Variants in TMEM135 observed in about 807,000 individuals in gnomAD.
TMEM135 encodes the protein transmembrane protein 135.
Under a neutral mutation model 60.3 loss-of-function variants are expected in TMEM135, and 30 were observed. The ratio of observed to expected loss-of-function variants is 0.50; its 90% CI spans 0.37 to 0.68. TMEM135 has a LOEUF of 0.68. Among genes scored for constraint, TMEM135 ranks in the 30% least tolerant of loss-of-function variants. TMEM135 has a pLI of 0.00. For synonymous variants in TMEM135, 190 were observed against 186.7 expected, an observed-to-expected ratio of 1.02 and a Z score of -0.14; for missense variants, 468 against 548.8, an observed-to-expected ratio of 0.85 and a Z score of 1.47.
chr11:87,115,459 C>G (rs1857857103), intron 4 of TMEM135, among the ~76,000 whole-genome samples: 1 of 152,106 alleles, frequency 6.6e-6, no homozygotes, highest in Non-Finnish European at 1.5e-5. Context: ...CCTACCCCAC[C>G]TAATGCCAGT....
At chr11:87,129,444 T>C (rs1937843882) in intron 4 of TMEM135, among the ~76,000 whole-genome samples, 1 of 151,946 alleles carries the variant, frequency 6.6e-6, no homozygotes, top group African/African-American at 2.4e-5. Flanking sequence ...GGTTTCGCCA[T>C]ATTGGCCAGG....
chr11:87,225,404 G>T (rs1940743646), intron 5 of TMEM135, among the ~76,000 whole-genome samples: 1 of 151,906 alleles, frequency 6.6e-6, no homozygotes, highest in Admixed American at 6.6e-5. Flanking sequence ...AATAACATCT[G>T]CAATTTATGA....
At chr11:87,049,400 T>C (rs1949821649) in intron 1 of TMEM135, among the ~76,000 whole-genome samples, 1 of 83,120 alleles carries the variant, frequency 1.2e-5, no homozygotes, top group Non-Finnish European at 2.2e-5. Context: ...GACCCATCAG[T>C]GTGCTGTATT....
At chr11:87,302,692 C>A (rs1161575659) in intron 8 of TMEM135, among the ~76,000 whole-genome samples, 6 of 152,122 alleles carry the variant, frequency 3.9e-5, no homozygotes, top group Non-Finnish European at 7.4e-5. Flanking sequence ...TATTTCAAAC[C>A]AGGCAGAATT....
intron 5 of TMEM135, among the ~76,000 whole-genome samples, chr11:87,225,864 G>T (rs1373090982): frequency 6.6e-6 from 1 of 152,012 alleles, no homozygotes; most frequent in Non-Finnish European, 1.5e-5. Flanking sequence ...TTTAAAGTAG[G>T]AATGGTAAAA....
intron 6 of TMEM135, among the ~76,000 whole-genome samples, chr11:87,252,497 G>A (rs1056399335): frequency 2.0e-5 from 3 of 152,256 alleles, no homozygotes; most frequent in African/African-American, 4.8e-5. Context: ...ATGGAGCCGG[G>A]CACAGTGGCT....
chr11:87,231,436 G>A (rs376679590), intron 5 of TMEM135, among the ~76,000 whole-genome samples: 15 of 152,242 alleles, frequency 9.9e-5, no homozygotes, highest in African/African-American at 3.6e-4. Flanking sequence ...TTAGTAATGG[G>A]GAATAATTAG....
At chr11:87,041,833 GA>G (rs1361363402) in intron 1 of TMEM135, among the ~76,000 whole-genome samples, 1 of 152,236 alleles carries the variant, frequency 6.6e-6, no homozygotes, top group Non-Finnish European at 1.5e-5. Flanking sequence ...GGCAGTTCTA[GA>G]GGCATTTTGT....
intron 5 of TMEM135, among the ~76,000 whole-genome samples, chr11:87,176,663 G>A (rs1020983086): frequency 4.6e-5 from 7 of 152,136 alleles, no homozygotes; most frequent in Non-Finnish European, 8.8e-5. Context: ...GGGAAAGATT[G>A]TTAAGGTAGG....
In TMEM135 at chr11:87,099,166, T is replaced by G. The variant is rs192849436; in HGVS notation, c.396+7771T>G. ...TGTGTACTTCAATACCCAAATACTG[T>G]GCGTATTCATACACTTATTTGAAAA... On this transcript the variant is annotated intron_variant, in intron 4 of 14. Transcript: ENST00000305494. 2.8e-3 allele frequency among the ~76,000 whole-genome samples: 434 copies of G among 152,338 alleles called. 1 individual carries two copies. Among genetic ancestry groups the G allele is most frequent in the Non-Finnish European group, 4.8e-3 (328 of 68,028 alleles).
intron 5 of TMEM135, among the ~76,000 whole-genome samples, chr11:87,207,279 A>G (rs537907405): frequency 6.6e-6 from 1 of 152,258 alleles, no homozygotes; most frequent in Non-Finnish European, 1.5e-5. Context: ...TTTCCTTACA[A>G]AGTTTTCCTA....
chr11:87,181,957 T>A (rs1357400038), intron 5 of TMEM135, among the ~76,000 whole-genome samples: 2 of 151,158 alleles, frequency 1.3e-5, no homozygotes, highest in African/African-American at 2.4e-5. Flanking sequence ...AGGGTGGCTT[T>A]TTTTTTTTAA....
chr11:87,216,136 G>T (rs1010182718), intron 5 of TMEM135, among the ~76,000 whole-genome samples: 4 of 152,136 alleles, frequency 2.6e-5, no homozygotes, highest in Non-Finnish European at 5.9e-5. Context: ...AGTGTATATA[G>T]GGTTTGGCAT....
intron 6 of TMEM135, among the ~76,000 whole-genome samples, chr11:87,247,292 G>A (rs955359221): frequency 3.3e-5 from 5 of 152,186 alleles, no homozygotes; most frequent in Non-Finnish European, 5.9e-5. Flanking sequence ...TAGGCTGCTC[G>A]GGGGTCAGGG....
At chr11:87,172,558 C>T (rs1339404675) in intron 5 of TMEM135, among the ~76,000 whole-genome samples, 1 of 151,608 alleles carries the variant, frequency 6.6e-6, no homozygotes, top group Non-Finnish European at 1.5e-5. Flanking sequence ...TAATTTTAGA[C>T]TGATTGCTAG....
intron 6 of TMEM135, among the ~76,000 whole-genome samples, chr11:87,272,477 T>G (rs996694093): frequency 1.3e-5 from 2 of 152,170 alleles, no homozygotes; most frequent in East Asian, 3.9e-4. Context: ...TTTCTATTTT[T>G]TGTGATGGGA....
chr11:87,172,162 C>G (rs1939254458), intron 5 of TMEM135, among the ~76,000 whole-genome samples: 1 of 152,096 alleles, frequency 6.6e-6, no homozygotes. Flanking sequence ...AAGACTTTGT[C>G]TATGAGGTCC....
At chr11:87,299,740 G>T (rs926520644) in intron 7 of TMEM135, among the ~76,000 whole-genome samples, 1 of 152,204 alleles carries the variant, frequency 6.6e-6, no homozygotes, top group African/African-American at 2.4e-5. Context: ...TGTTGCAAAA[G>T]AGAAGTGTAG....
At position 87,208,091 on chromosome 11, in the gene TMEM135, A is replaced by G. The variant is rs144297475; in HGVS notation, c.463-28547A>G. Among the ~76,000 whole-genome samples, 46 of 152,344 alleles carry G rather than the reference A, an allele frequency of 3.0e-4. 2 individuals are homozygous for G. The East Asian group carries it at 8.7e-3, about 29-fold the overall frequency. On this transcript the variant is annotated intron_variant, in intron 5 of 14. Coordinates refer to ENST00000305494, the MANE Select transcript of TMEM135 (RefSeq NM_022918.4). ...AAAAAAGCCCCATCCAAAGGATGGCAGCTTCAAAGGGGAAAGGAACATCAG... is the reference window on the plus strand; with the variant it reads ...AAAAAAGCCCCATCCAAAGGATGGCGGCTTCAAAGGGGAAAGGAACATCAG...
Sources: allele counts gnomAD v4.1 joint callset (sites outside exome capture counted in the v4.1 genomes callset), GRCh38; gene constraint gnomAD v4.1.1; transcripts MANE v1.5; gene names NCBI Gene and HGNC (gene_info 2026-07-23, HGNC 2026-07-21).